The following LMNA variants were observed in gnomAD, a reference collection of about 807,000 sequenced individuals.
The protein encoded by LMNA is lamin A/C.
Under a neutral mutation model 70.4 loss-of-function variants are expected in LMNA, and 20 were observed. The observed-to-expected ratio is 0.28, with a 90% CI of 0.20 to 0.41. The LOEUF is 0.41. Among genes scored for constraint, LMNA ranks in the 10% least tolerant of loss-of-function variants. LMNA has a pLI of 1.00. For missense variants in LMNA, 652 were observed against 917.2 expected, an observed-to-expected ratio of 0.71 and a Z score of 3.73; for synonymous variants, 339 against 372.8, an observed-to-expected ratio of 0.91 and a Z score of 1.04.
In LMNA at chr1:156,136,060, A is replaced by G. The variant is rs1226327804; in HGVS notation, c.1096A>G (p.Lys366Glu). The G allele has an allele frequency of 6.2e-7, 1 of 1,614,034 alleles. No homozygotes were observed. The highest frequency in any genetic ancestry group is 8.5e-7 in the Non-Finnish European group (1 of 1,180,046). ...CGAGTACCAGGAGCTTCTGGACATC[A>G]AGCTGGCCCTGGACATGGAGATCCA... ...LDEYQELLDI[K>E]LALDMEIHAY... The change falls in exon 6 of 12, where the codon AAG becomes GAG. Residue 366 changes from lysine to glutamate, a missense_variant. Lys to Glu is a moderately conservative substitution (Grantham distance 56, BLOSUM62 1). Around this residue, in one of 4 missense-constraint regions of LMNA, gnomAD observed 33 missense variants for 75.3 expected, o/e 0.44. Coordinates refer to ENST00000368300, the MANE Select transcript of LMNA (RefSeq NM_170707.4). The surrounding 1 kb of genome is among the most constrained non-coding windows in gnomAD (Gnocchi z 6.1).
At position 156,120,833 on chromosome 1, in the gene LMNA, C is replaced by T. The variant is rs147248297; in HGVS notation, c.356+5559C>T. ...CCCTGCCAGCCCCTCAATCGTGAGA[C>T]GGTCAGAGCTCTGGGAGGCTGGTGA... On this transcript the variant is annotated intron_variant, in intron 1 of 11. Coordinates refer to ENST00000368300, the MANE Select transcript of LMNA (RefSeq NM_170707.4). Among the ~76,000 whole-genome samples the T allele has an allele frequency of 6.5e-3, 991 of 152,260 alleles. 5 individuals are homozygous for T. The highest frequency in any genetic ancestry group is 0.011 in the Non-Finnish European group (753 of 68,022).
intron 1 of LMNA, among the ~76,000 whole-genome samples, chr1:156,129,298 G>C (rs1399616514): frequency 6.6e-6 from 1 of 152,122 alleles, no homozygotes; most frequent in African/African-American, 2.4e-5. Flanking sequence ...GCCTGGTGGG[G>C]GGAGGTGGGG....
chr1:156,124,771 C>T (rs763177854), intron 1 of LMNA, among the ~76,000 whole-genome samples: 3 of 151,962 alleles, frequency 2.0e-5, no homozygotes, highest in Non-Finnish European at 2.9e-5. Flanking sequence ...CATGATTGGC[C>T]GCACACAAAG....
rs1429795331 is a variant in LMNA at position 156,126,738 on chromosome 1, T to G, written c.357-3879T>G. 4 of 1,566,382 alleles carry G rather than the reference T, an allele frequency of 2.6e-6. No individual in the cohort carries two copies. In the East Asian group the frequency reaches 9.4e-5, roughly 37 times the overall value. ...CTCTTCCCTCTTTCTGAGATCAGAT[T>G]TGCCAGTGATGGGAAGAGTTAGAAA... On this transcript the variant is annotated intron_variant, in intron 1 of 11. Coordinates refer to ENST00000368300, the MANE Select transcript of LMNA (RefSeq NM_170707.4).
intron 2 of LMNA, among the ~76,000 whole-genome samples, chr1:156,089,913 T>A (rs1648630562): frequency 6.6e-6 from 1 of 152,036 alleles, no homozygotes; most frequent in African/African-American, 2.4e-5. Context: ...GACCCAGGCG[T>A]CCAGGAGGCG....
Position 156,137,154 on chromosome 1 carries a change from C to A in LMNA, c.1530C>A (p.Thr510=). 1 of 1,612,934 alleles carries A rather than the reference C, an allele frequency of 6.2e-7. No homozygotes were observed. The highest frequency in any genetic ancestry group is 8.5e-7 in the Non-Finnish European group (1 of 1,179,592). ...CTGGGGCCACCCACAGCCCCCCTAC[C>A]GACCTGGTGTGGAAGGCACAGAACA... ...AGAGATHSPP[T]DLVWKAQNTW... The change falls in exon 9 of 12, where the codon ACC becomes ACA. Residue 510 remains threonine, a synonymous_variant. Coordinates refer to ENST00000368300, the MANE Select transcript of LMNA (RefSeq NM_170707.4). The surrounding 1 kb of genome is among the most constrained non-coding windows in gnomAD (Gnocchi z 4.6).
chr1:156,114,707 A>T (rs2102815895), upstream of LMNA: 1 of 544,188 alleles, frequency 1.8e-6, no homozygotes, highest in Non-Finnish European at 3.2e-6. Flanking sequence ...GGCGTCGGTG[A>T]CTCAGTGTTC....
chr1:156,105,767 C>T (rs79029071), intron 3 of LMNA, among the ~76,000 whole-genome samples: 378 of 152,252 alleles, frequency 2.5e-3, no homozygotes, highest in African/African-American at 8.7e-3. Flanking sequence ...GAGGGCCTCC[C>T]CACAAAATTG....
rs1267614097 is a variant in LMNA, at chr1:156,139,216, AT to A, written c.*111del. 2.6e-6 allele frequency: 4 copies of A among 1,559,690 alleles called. No homozygotes were observed. The African/African-American group carries it at 5.5e-5, about 21-fold the overall frequency. On this transcript the variant is annotated 3_prime_UTR_variant, in exon 12 of 12. Transcript: ENST00000368300. ...GGAGGGGGCTTGAAGCCAAAGAAAA[AT>A]AACCCTTTGGTTTTTTTCTTCTGTA...
intron 2 of LMNA, among the ~76,000 whole-genome samples, chr1:156,133,718 AC>A (rs1651280210): frequency 6.6e-6 from 1 of 151,256 alleles, no homozygotes. Context: ...ATCCCTTCCC[AC>A]CCCGTACTTC....
At chr1:156,130,287 AC>A (rs1650931007) in intron 1 of LMNA, among the ~76,000 whole-genome samples, 2 of 152,052 alleles carry the variant, frequency 1.3e-5, no homozygotes, top group African/African-American at 4.8e-5. Flanking sequence ...AGACAAAGGT[AC>A]CCCTGTCTCT....
chr1:156,086,393 A>T (rs1194286119), intron 2 of LMNA, among the ~76,000 whole-genome samples: 539 of 146,092 alleles, frequency 3.7e-3, no homozygotes, highest in East Asian at 7.8e-3. Flanking sequence ...GTGACCTCTG[A>T]CTCTCTCTCT....
upstream of LMNA, among the ~76,000 whole-genome samples, chr1:156,113,049 C>A (rs536559295): frequency 1.3e-5 from 2 of 151,916 alleles, no homozygotes; most frequent in Non-Finnish European, 2.9e-5. Flanking sequence ...AATCCCAGAA[C>A]TTTGGGAAGC....
intron 1 of LMNA, among the ~76,000 whole-genome samples, chr1:156,127,357 C>G (rs1462726588): frequency 6.6e-6 from 1 of 152,094 alleles, no homozygotes; most frequent in Non-Finnish European, 1.5e-5. Flanking sequence ...ATGGGAGCTC[C>G]CCGTGCCTAA....
chr1:156,117,419 G>A (rs1649909463), intron 1 of LMNA, among the ~76,000 whole-genome samples: 1 of 151,844 alleles, frequency 6.6e-6, no homozygotes, highest in African/African-American at 2.4e-5. Context: ...ATTTTTAGTA[G>A]AGACGGGGTT....
rs1651975567 is a variant in LMNA, at chr1:156,140,081, A to C, written c.*975A>C. 3 of 393,972 alleles carry C rather than the reference A, an allele frequency of 7.6e-6. No homozygotes were observed. The highest frequency in any genetic ancestry group is 5.0e-5 in the East Asian group (1 of 19,986). 24.4% of individuals were successfully genotyped at this position (393,972 alleles called of 1,614,324 possible). ...CCAAATCAATACACTAGTTGTTTCTACCCCTGGCTGCTGTGGTGTCTTTGT... is the reference window on the plus strand; with the variant it reads ...CCAAATCAATACACTAGTTGTTTCTCCCCCTGGCTGCTGTGGTGTCTTTGT... On this transcript the variant is annotated 3_prime_UTR_variant, in exon 12 of 12. Transcript: ENST00000368300.
At chr1:156,122,773 C>G (rs776391580) in intron 1 of LMNA, among the ~76,000 whole-genome samples, 2 of 152,164 alleles carry the variant, frequency 1.3e-5, no homozygotes, top group South Asian at 2.1e-4. Flanking sequence ...TGCCTGGAAC[C>G]GGGGGGAGGG....
At position 156,137,412 on chromosome 1, in the gene LMNA, G is replaced by A; in HGVS notation, c.1608+180G>A. 1 of 841,240 alleles carries A rather than the reference G, an allele frequency of 1.2e-6. No homozygotes were observed. The highest frequency in any genetic ancestry group is 1.9e-6 in the Non-Finnish European group (1 of 525,022). The allele number at this position is 841,240 out of a possible 1,614,324, so 52.1% of individuals were successfully genotyped here. A position where few individuals can be genotyped will look rare whatever the true frequency, so the allele number is the denominator to read the frequency against. Reference sequence around the variant, plus strand: ...AAAAGATGCTTCCTCAACAGCACAAGGGGTGGAAGTTAGACAGTGAGGATT... The same window carrying A: ...AAAAGATGCTTCCTCAACAGCACAAAGGGTGGAAGTTAGACAGTGAGGATT... On this transcript the variant is annotated intron_variant, in intron 9 of 11. Coordinates refer to ENST00000368300, the MANE Select transcript of LMNA (RefSeq NM_170707.4). This position sits in a 1 kb window ranked among gnomAD's most constrained non-coding sequence, Gnocchi z 4.6.
At chr1:156,124,854 G>A (rs1311105073) in intron 1 of LMNA, among the ~76,000 whole-genome samples, 1 of 152,190 alleles carries the variant, frequency 6.6e-6, no homozygotes, top group Non-Finnish European at 1.5e-5. Flanking sequence ...CTCTCTGACT[G>A]GGGTATCTCC....
Sources: gnomAD v4.1 joint callset for allele counts (sites outside exome capture counted in the v4.1 genomes callset) on GRCh38, gnomAD v4.1.1 for gene constraint, gnomAD v4.1.1 regional missense constraint, Gnocchi (gnomAD v3.1) non-coding constraint, MANE v1.5 for transcripts, NCBI Gene and HGNC (gene_info 2026-07-23, HGNC 2026-07-21) for gene names.